The following OPRM1 variants were observed in gnomAD, a reference collection of about 807,000 sequenced individuals.
OPRM1 encodes mu-type opioid receptor.
A neutral mutation model predicts 31.8 loss-of-function variants in OPRM1; 27 were observed. The observed-to-expected ratio is 0.85, with a 90% confidence interval of 0.63 to 1.17. OPRM1 has a LOEUF of 1.17. Ranked by LOEUF, OPRM1 falls within the 50% of genes most tolerant of loss-of-function variation. The probability of loss-of-function intolerance (pLI) is 0.00; values close to 1 mark genes in which losing one functional copy is unlikely to be tolerated. For missense variants in OPRM1, 536 were observed against 511.1 expected (o/e 1.05, Z -0.47); for synonymous variants, 196 against 189.9 (o/e 1.03, Z -0.26).
intron 1 of OPRM1, among the ~76,000 whole-genome samples, chr6:154,080,969 A>G (rs1788969380): frequency 6.6e-6 from 1 of 152,032 alleles, no homozygotes; most frequent in South Asian, 2.1e-4. Flanking sequence ...CCAATTCTCC[A>G]TTTGTTGTAT....
At chr6:154,050,627 G>T (rs1042895508) in intron 1 of OPRM1, among the ~76,000 whole-genome samples, 1 of 151,780 alleles carries the variant, frequency 6.6e-6, no homozygotes, top group South Asian at 2.1e-4. Context: ...CTGATGGGGG[G>T]CTGGGAGGAG....
At chr6:154,015,229 A>C (rs1301763085) in intron 1 of OPRM1, among the ~76,000 whole-genome samples, 1 of 152,090 alleles carries the variant, frequency 6.6e-6, no homozygotes, top group Non-Finnish European at 1.5e-5. Flanking sequence ...GAGAGTGGCC[A>C]GTCTTATTTG....
At chr6:154,136,391 T>C (rs1012982624), downstream of OPRM1, among the ~76,000 whole-genome samples, 1 of 152,190 alleles carries the variant, frequency 6.6e-6, no homozygotes, top group Non-Finnish European at 1.5e-5. Context: ...GAAACTCCTA[T>C]GAGAATGTGT....
intron 3 of OPRM1, among the ~76,000 whole-genome samples, chr6:154,205,297 G>T (rs1056671850): frequency 4.6e-5 from 7 of 152,028 alleles, no homozygotes; most frequent in African/African-American, 1.7e-4. Context: ...AATAAAAACA[G>T]CTTTATTAAA....
intron 1 of OPRM1, among the ~76,000 whole-genome samples, chr6:154,076,346 C>T (rs1787883695): frequency 6.6e-6 from 1 of 152,106 alleles, no homozygotes; most frequent in African/African-American, 2.4e-5. Flanking sequence ...CTATTTGCAG[C>T]ATATATCTTA....
intron 1 of OPRM1, among the ~76,000 whole-genome samples, chr6:154,052,092 C>T (rs532670376): frequency 1.3e-5 from 2 of 152,260 alleles, no homozygotes; most frequent in South Asian, 4.2e-4. Context: ...AAACCAAACA[C>T]TGCATGTTCT....
intron 3 of OPRM1, among the ~76,000 whole-genome samples, chr6:154,170,404 T>G (rs933376926): frequency 3.3e-5 from 5 of 152,198 alleles, no homozygotes; most frequent in Admixed American, 1.3e-4. Flanking sequence ...AAACTTCACA[T>G]GCCTTAGAGT....
chr6:154,127,031 C>T lies in OPRM1; in HGVS notation c.*8310C>T, dbSNP rs908489957. On this transcript the variant is annotated 3_prime_UTR_variant, in exon 4 of 4. Coordinates refer to ENST00000330432, the MANE Select transcript of OPRM1 (RefSeq NM_000914.5). ...GGCTGAGGCAGGAGAATTGCTTGAA[C>T]TGGGGAGGCGGAAGTTGCAGTGAGC... Among the ~76,000 whole-genome samples the T allele has an allele frequency of 2.6e-5, 4 of 151,056 alleles. No individual in the cohort carries two copies. The highest frequency in any genetic ancestry group is 9.7e-5 in the African/African-American group (4 of 41,038).
At chr6:154,021,840 G>GT (rs201448083) in intron 1 of OPRM1, among the ~76,000 whole-genome samples, 1,867 of 151,454 alleles carry the variant, frequency 0.012, 20 homozygotes, top group African/African-American at 0.043. Context: ...CTCCAGGAGG[G>GT]TTTTCTCTTT....
At position 154,091,133 on chromosome 6, in the gene OPRM1, G is replaced by A. The variant is rs1330210100; in HGVS notation, c.825G>A (p.Arg275=). Residue 275 remains arginine (R), a synonymous_variant, in exon 3 of 4, where the codon AGG becomes AGA. Transcript: ENST00000330432. The part of the protein sequence containing the change: ...RMLSGSKEKD[R]NLRRITRMVL... ...TCTCTGGCTCCAAAGAAAAGGACAGGAATCTTCGAAGGATCACCAGGATGG... is the reference window on the plus strand; with the variant it reads ...TCTCTGGCTCCAAAGAAAAGGACAGAAATCTTCGAAGGATCACCAGGATGG... 6 of 1,614,062 alleles carry A rather than the reference G, an allele frequency of 3.7e-6. No homozygotes were observed. The highest frequency in any genetic ancestry group is 5.1e-6 in the Non-Finnish European group (6 of 1,180,042).
At chr6:154,095,209 TG>T (rs1329131378) in intron 3 of OPRM1, among the ~76,000 whole-genome samples, 3 of 152,240 alleles carry the variant, frequency 2.0e-5, no homozygotes, top group African/African-American at 7.2e-5. Flanking sequence ...GAGAATCGCT[TG>T]AACCTGGGAG....
chr6:154,142,240 C>T (rs1304625067), intron 3 of OPRM1, among the ~76,000 whole-genome samples: 1 of 53,122 alleles, frequency 1.9e-5, no homozygotes, highest in East Asian at 4.2e-4. Context: ...TGTCACACTG[C>T]CCCTCTAAAA....
At chr6:154,071,572 A>G (rs1786743615) in intron 1 of OPRM1, among the ~76,000 whole-genome samples, 1 of 152,212 alleles carries the variant, frequency 6.6e-6, no homozygotes, top group Non-Finnish European at 1.5e-5. Flanking sequence ...AAATAGGTGT[A>G]TTGATCTTGC....
At chr6:154,107,332 T>C in intron 3 of OPRM1, 1 of 618,400 alleles carries the variant, frequency 1.6e-6, no homozygotes, top group Non-Finnish European at 2.9e-6. Context: ...AAGGCCGGTA[T>C]TTCTGGCTTT....
intron 3 of OPRM1, among the ~76,000 whole-genome samples, chr6:154,225,790 G>A (rs748353494): frequency 1.2e-4 from 19 of 152,320 alleles, no homozygotes; most frequent in Non-Finnish European, 2.2e-4. Flanking sequence ...AGGCTAAGGC[G>A]TTTTTATGTA....
intron 3 of OPRM1, among the ~76,000 whole-genome samples, chr6:154,208,442 T>C (rs1777685740): frequency 6.6e-6 from 1 of 152,188 alleles, no homozygotes. Flanking sequence ...CTCTACCCCA[T>C]CACATCCTGA....
intron 3 of OPRM1, among the ~76,000 whole-genome samples, chr6:154,173,222 T>G (rs1412976693): frequency 6.6e-6 from 1 of 151,304 alleles, no homozygotes; most frequent in Non-Finnish European, 1.5e-5. Context: ...GAAACCAGAG[T>G]GGAAAGGCTG....
At chr6:154,075,054 A>G (rs534024478) in intron 1 of OPRM1, among the ~76,000 whole-genome samples, 24 of 152,332 alleles carry the variant, frequency 1.6e-4, no homozygotes, top group African/African-American at 5.0e-4. Flanking sequence ...AATAAAATTC[A>G]GGAACATACA....
chr6:154,111,013 T>A (rs180845628), intron 3 of OPRM1, among the ~76,000 whole-genome samples: 1 of 152,248 alleles, frequency 6.6e-6, no homozygotes, highest in East Asian at 1.9e-4. Context: ...CGCTTTCTCT[T>A]GTGAAAGAAA....
Sources: allele counts gnomAD v4.1 joint callset (sites outside exome capture counted in the v4.1 genomes callset), GRCh38; gene constraint gnomAD v4.1.1; transcripts MANE v1.5; gene names NCBI Gene and HGNC (gene_info 2026-07-23, HGNC 2026-07-21).